TRIM24: variants seen among roughly 807,000 people sequenced by gnomAD.
TRIM24 encodes the protein tripartite motif containing 24.
Under a neutral mutation model 123.9 loss-of-function variants are expected in TRIM24, and 29 were observed. The ratio of observed to expected loss-of-function variants is 0.23; its 90% CI spans 0.17 to 0.32. The LOEUF (loss-of-function observed/expected upper bound fraction) is 0.32, where lower values mean the gene tolerates loss of function less well. TRIM24 is among the 10% of genes least tolerant of loss of function. The probability of loss-of-function intolerance (pLI) is 1.00; values close to 1 mark genes in which losing one functional copy is unlikely to be tolerated. For missense variants in TRIM24, 932 were observed against 1,295.3 expected (o/e 0.72, Z 4.31); for synonymous variants, 456 against 461.1 (o/e 0.99, Z 0.14).
At position 138,585,082 on chromosome 7, in the gene TRIM24, G is replaced by T. The variant is rs1464848812; in HGVS notation, c.*131G>T. 5.6e-6 allele frequency: 4 copies of T among 715,492 alleles called. No homozygotes were observed. 44.3% of individuals were successfully genotyped at this position (715,492 alleles called of 1,614,324 possible). On this transcript the variant is annotated 3_prime_UTR_variant, in exon 19 of 19. Coordinates refer to ENST00000343526, the MANE Select transcript of TRIM24 (RefSeq NM_015905.3). ...TCATCTCTGTTTTGGACGTTTACTA[G>T]ACTTTGATTTCCTTAATAGCCCATT...
intron 11 of TRIM24, among the ~76,000 whole-genome samples, 156 bp downstream of exon 11, chr7:138,571,159 G>A (rs945929908): frequency 6.6e-6 from 1 of 152,004 alleles, no homozygotes; most frequent in East Asian, 1.9e-4. Context: ...GTGAAACCCC[G>A]TCTCTACCAA....
chr7:138,578,100 A>C (rs1797801966), intron 14 of TRIM24, among the ~76,000 whole-genome samples: 1 of 152,138 alleles, frequency 6.6e-6, no homozygotes, highest in Non-Finnish European at 1.5e-5. Flanking sequence ...AGGGAGAAAA[A>C]TGCTTCAACA....
In TRIM24 at chr7:138,585,494, T is replaced by G. The variant is rs938436523; in HGVS notation, c.*543T>G. The G allele has an allele frequency of 1.3e-5, 4 of 307,434 alleles. No homozygotes were observed. The highest frequency in any genetic ancestry group is 1.8e-5 in the Non-Finnish European group (3 of 162,258). 19.0% of individuals were successfully genotyped at this position (307,434 alleles called of 1,614,324 possible). A position where few individuals can be genotyped will look rare whatever the true frequency, so the allele number is the denominator to read the frequency against. On this transcript the variant is annotated 3_prime_UTR_variant, in exon 19 of 19. Transcript: ENST00000343526. Reference sequence around the variant, plus strand: ...AGTTCCATCCCAGGAGGCCAAACGGTGCAACAGAAGGGTAGGTTAGATGCT... The same window carrying G: ...AGTTCCATCCCAGGAGGCCAAACGGGGCAACAGAAGGGTAGGTTAGATGCT...
At chr7:138,463,937 T>A (rs1239865385) in intron 1 of TRIM24, among the ~76,000 whole-genome samples, 1 of 150,992 alleles carries the variant, frequency 6.6e-6, no homozygotes, top group East Asian at 1.9e-4. Context: ...ATTTTGTCCC[T>A]TTATCTCTCC....
chr7:138,545,482 T>C (rs1194269353), intron 7 of TRIM24: 2 of 457,018 alleles, frequency 4.4e-6, no homozygotes. Flanking sequence ...AGAAGGTGTT[T>C]AGAAAGAAGT....
chr7:138,561,910 C>A (rs890414114), intron 9 of TRIM24, among the ~76,000 whole-genome samples: 1 of 152,202 alleles, frequency 6.6e-6, no homozygotes, highest in South Asian at 2.1e-4. Context: ...AATTTGGGAT[C>A]CAGATACAGC....
chr7:138,467,327 G>GTGTTTTGTTTTGTTC (rs1303417471), intron 1 of TRIM24, among the ~76,000 whole-genome samples: 1 of 128,588 alleles, frequency 7.8e-6, no homozygotes, highest in African/African-American at 3.0e-5. Context: ...AAGGGGGAAT[G>GTGTTTTGTTTTGTTC]TGTTTTGTTT....
chr7:138,551,038 T>C (rs1033729435), intron 7 of TRIM24, 25 bp from the exon 8 acceptor site: 1 of 1,587,430 alleles, frequency 6.3e-7, no homozygotes, highest in Non-Finnish European at 8.6e-7. Context: ...GCCTAATATT[T>C]AGTTATCTCT....
chr7:138,486,939 A>G (rs909303096), intron 1 of TRIM24, among the ~76,000 whole-genome samples: 4 of 152,140 alleles, frequency 2.6e-5, no homozygotes, highest in Admixed American at 2.0e-4. Flanking sequence ...AGTATGGCCA[A>G]TTTCACAATA....
chr7:138,482,277 G>A (rs1377537646), intron 1 of TRIM24, among the ~76,000 whole-genome samples: 2 of 152,116 alleles, frequency 1.3e-5, no homozygotes, highest in East Asian at 3.8e-4. Context: ...GGCAAAGCAA[G>A]TCCTTATGTA....
intron 9 of TRIM24, among the ~76,000 whole-genome samples, chr7:138,561,898 G>T (rs1797435716): frequency 6.6e-6 from 1 of 152,128 alleles, no homozygotes; most frequent in African/African-American, 2.4e-5. Context: ...CCATAAATGA[G>T]AAATTTGGGA....
chr7:138,508,700 CGTGTGTGCGTGT>C (rs1554436661), intron 2 of TRIM24, among the ~76,000 whole-genome samples: 1 of 35,510 alleles, frequency 2.8e-5, no homozygotes, highest in African/African-American at 7.3e-5. Flanking sequence ...TGTGCGCGCG[CGTGTGTGCGTGT>C]GTGTGTGCGT....
intron 6 of TRIM24, among the ~76,000 whole-genome samples, chr7:138,534,801 G>A (rs1796830311): frequency 6.6e-6 from 1 of 152,160 alleles, no homozygotes; most frequent in Non-Finnish European, 1.5e-5. Flanking sequence ...TCTGTCTGAT[G>A]TTGACAGTGG....
At chr7:138,485,958 A>T (rs1282935243) in intron 1 of TRIM24, among the ~76,000 whole-genome samples, 5 of 152,216 alleles carry the variant, frequency 3.3e-5, no homozygotes, top group Non-Finnish European at 4.4e-5. Context: ...TCCCACCAAC[A>T]GTGTAAAAGT....
chr7:138,563,698 A>G (rs1490073338), intron 9 of TRIM24, among the ~76,000 whole-genome samples: 3 of 152,176 alleles, frequency 2.0e-5, no homozygotes, highest in African/African-American at 4.8e-5. Flanking sequence ...CAGAGGCCTC[A>G]GGGTCAAACG....
chr7:138,488,724 G>A (rs780448191), intron 1 of TRIM24, among the ~76,000 whole-genome samples: 6 of 152,078 alleles, frequency 3.9e-5, no homozygotes, highest in Non-Finnish European at 2.9e-5. Context: ...AGTTTGTTGT[G>A]ATTTCTGTTC....
At chr7:138,516,111 A>G (rs1184397350) in intron 3 of TRIM24, among the ~76,000 whole-genome samples, 6 of 152,264 alleles carry the variant, frequency 3.9e-5, no homozygotes, top group African/African-American at 1.2e-4. Flanking sequence ...CATCCTGGCT[A>G]ACACGTTGAA....
At chr7:138,464,037 C>T (rs1224834786) in intron 1 of TRIM24, among the ~76,000 whole-genome samples, 4 of 106,906 alleles carry the variant, frequency 3.7e-5, no homozygotes, top group East Asian at 2.4e-4. Flanking sequence ...CTCTGTCGCC[C>T]GGGCTGGAGT....
At chr7:138,481,149 C>T (rs796715553) in intron 1 of TRIM24, among the ~76,000 whole-genome samples, 7 of 152,128 alleles carry the variant, frequency 4.6e-5, no homozygotes, top group African/African-American at 1.7e-4. Flanking sequence ...TGCGCCACTA[C>T]GCCCGGCTAA....
Sources: gnomAD v4.1 joint callset for allele counts (sites outside exome capture counted in the v4.1 genomes callset) on GRCh38, gnomAD v4.1.1 for gene constraint, MANE v1.5 for transcripts, NCBI Gene and HGNC (gene_info 2026-07-23, HGNC 2026-07-21) for gene names.